Variants in LIPN observed in about 807,000 individuals in gnomAD.
LIPN encodes lipase family member N, also known as lipase member N.
Under a neutral mutation model 43.7 loss-of-function variants are expected in LIPN, and 32 were observed. The observed-to-expected ratio is 0.73, with a 90% CI of 0.55 to 0.98. The LOEUF (loss-of-function observed/expected upper bound fraction) is 0.98. Ranked by LOEUF, LIPN falls within the 50% of genes least tolerant of loss-of-function variation. The pLI is 0.00. For synonymous variants in LIPN, 156 were observed against 157.6 expected (o/e 0.99, Z 0.08); for missense variants, 505 against 483.8 (o/e 1.04, Z -0.41).
chr10:88,772,838 C>T (rs1445004771), intron 7 of LIPN, among the ~76,000 whole-genome samples: 1 of 140,124 alleles, frequency 7.1e-6, no homozygotes, highest in Non-Finnish European at 1.5e-5. Flanking sequence ...TTTCAATATG[C>T]CAAGAGCAAA....
At chr10:88,772,770 G>C (rs1320112054) in intron 7 of LIPN, among the ~76,000 whole-genome samples, 1 of 150,416 alleles carries the variant, frequency 6.6e-6, no homozygotes, top group Non-Finnish European at 1.5e-5. Context: ...TGCTAGAACT[G>C]ATAAACAAAT....
At chr10:88,760,421 C>T (rs927287968) in intron 1 of LIPN, among the ~76,000 whole-genome samples, 1 of 152,054 alleles carries the variant, frequency 6.6e-6, no homozygotes, top group Non-Finnish European at 1.5e-5. Context: ...TGAAAAGTTT[C>T]ATAATATTTG....
intron 3 of LIPN, among the ~76,000 whole-genome samples, chr10:88,763,135 G>A (rs566306635): frequency 4.3e-4 from 65 of 152,148 alleles, no homozygotes; most frequent in African/African-American, 1.2e-3. Context: ...AATGAAAAAT[G>A]AGAGTGAGAT....
chr10:88,777,763 T>G (rs886859646), intron 9 of LIPN, among the ~76,000 whole-genome samples: 20 of 152,234 alleles, frequency 1.3e-4, no homozygotes, highest in African/African-American at 4.6e-4. Context: ...GAAATAATTT[T>G]TTGCCTTTTT....
rs922054321 is a variant in LIPN, at chr10:88,778,840, A to G, written c.*598A>G. Reference sequence around the variant, plus strand: ...TGCGTAAACGGAATCTTGAACCCATAATAGGATACATGTATAAAATCTTCC... The same window carrying G: ...TGCGTAAACGGAATCTTGAACCCATGATAGGATACATGTATAAAATCTTCC... On this transcript the variant is annotated 3_prime_UTR_variant, in exon 10 of 10. Transcript: ENST00000404459. Among the ~76,000 whole-genome samples, 1 of 152,188 alleles carries G rather than the reference A, an allele frequency of 6.6e-6. No homozygotes were observed. Among genetic ancestry groups the G allele is most frequent in the African/African-American group, 2.4e-5 (1 of 41,460 alleles).
Position 88,766,282 on chromosome 10 carries a change from GC to G in LIPN, c.441del (p.Lys148AsnfsTer7). 1 of 1,593,662 alleles carries G rather than the reference GC, an allele frequency of 6.3e-7. No homozygotes were observed. On this transcript the variant is annotated frameshift_variant, in exon 5 of 10. Transcript: ENST00000404459. LOFTEE classifies it high-confidence loss of function. Reference sequence around the variant, plus strand: ...TTTATTTTGCAGTTTTGATGAAATGGCCAAATATGATCTCCCAGGAGTAATA... The same window carrying G: ...TTTATTTTGCAGTTTTGATGAAATGGCAAATATGATCTCCCAGGAGTAATA... ...KFWAFSFDEM[A>X]KYDLPGVIDF...
chr10:88,774,439 G>A (rs1478556004), intron 7 of LIPN, 34 bp from the exon 8 acceptor site: 5 of 1,501,480 alleles, frequency 3.3e-6, no homozygotes, highest in East Asian at 2.3e-5. Flanking sequence ...ATTTTGTTGG[G>A]CAATTGCTGT....
intron 3 of LIPN, 73 bp from the exon 4 acceptor site, chr10:88,764,337 A>C (rs1843052178): frequency 1.7e-6 from 2 of 1,181,084 alleles, no homozygotes; most frequent in Non-Finnish European, 2.4e-6. Context: ...TCTATTTAAC[A>C]TAAATTACTC....
Position 88,761,478 on chromosome 10 carries a change from G to GA in LIPN, c.77dup (p.Asn26LysfsTer2). 6.2e-7 allele frequency: 1 copy of GA among 1,612,118 alleles called. No homozygotes were observed. Among genetic ancestry groups the GA allele is most frequent in the Non-Finnish European group, 8.5e-7 (1 of 1,178,782 alleles). On this transcript the variant is annotated frameshift_variant, in exon 2 of 10. Coordinates refer to ENST00000404459, the MANE Select transcript of LIPN (RefSeq NM_001102469.2). LOFTEE classifies it high-confidence loss of function. ...AAATGCTGGTGGATTCCTTGATTTG[G>GA]AAAATGAAGTGAATCCTGAGGTGTG...
At chr10:88,760,915 C>T (rs777962223) in intron 1 of LIPN, among the ~76,000 whole-genome samples, 4 of 152,098 alleles carry the variant, frequency 2.6e-5, no homozygotes, top group African/African-American at 7.2e-5. Context: ...TTGGGTGCCA[C>T]GTGAGAAATA....
chr10:88,760,059 C>A lies in LIPN; in HGVS notation c.-56C>A, dbSNP rs951070044. 2.0e-5 allele frequency among the ~76,000 whole-genome samples: 3 copies of A among 152,042 alleles called. No homozygotes were observed. The highest frequency in any genetic ancestry group is 2.9e-5 in the Non-Finnish European group (2 of 67,982). ...TGTCAAAAGCAAAAGTTCAGAAGTT[C>A]CTCATCAATAAGGAGTCCTTGTGAG... On this transcript the variant is annotated 5_prime_UTR_variant, in exon 1 of 10. Transcript: ENST00000404459.
chr10:88,764,913 G>A (rs367856136), intron 4 of LIPN, among the ~76,000 whole-genome samples: 3 of 152,124 alleles, frequency 2.0e-5, no homozygotes, highest in African/African-American at 7.2e-5. Flanking sequence ...TTCAGCCAAT[G>A]TTTACTGAGT....
intron 5 of LIPN, 140 bp downstream of exon 5, chr10:88,766,518 C>G (rs908667767): frequency 3.0e-6 from 2 of 676,346 alleles, no homozygotes; most frequent in East Asian, 5.4e-5. Context: ...TGGGAATAAC[C>G]CTAGTACTCT....
intron 9 of LIPN, among the ~76,000 whole-genome samples, chr10:88,777,484 C>T (rs1340207522): frequency 2.0e-5 from 3 of 152,020 alleles, no homozygotes; most frequent in African/African-American, 7.2e-5. Flanking sequence ...AGACAGACCT[C>T]CGAGAAATGA....
intron 9 of LIPN, 105 bp from the exon 10 acceptor site, chr10:88,777,904 G>T: frequency 1.5e-6 from 1 of 647,750 alleles, no homozygotes; most frequent in Non-Finnish European, 2.7e-6. Flanking sequence ...TATGTTGCTG[G>T]TGCCTAACAG....
In LIPN at chr10:88,764,549, C is replaced by T; in HGVS notation, c.366C>T (p.Asn122=). 2 of 1,611,760 alleles carry T rather than the reference C, an allele frequency of 1.2e-6. No homozygotes were observed. Among genetic ancestry groups the T allele is most frequent in the Non-Finnish European group, 8.5e-7 (1 of 1,178,700 alleles). The change falls in exon 4 of 10, where the codon AAC becomes AAT. Residue 122 remains asparagine (N), a synonymous_variant. Transcript: ENST00000404459. ...TATGGATGGGAAACAGTCGGGGAAA[C>T]ACTTGGTCAAGAAGACACAAAACAC... The part of the protein sequence containing the change: ...YDVWMGNSRG[N]TWSRRHKTLS...
At chr10:88,757,275 T>C (rs538257394), upstream of LIPN, among the ~76,000 whole-genome samples, 2 of 152,214 alleles carry the variant, frequency 1.3e-5, no homozygotes, top group African/African-American at 2.4e-5. Context: ...GAAAATGATA[T>C]AATTTTCCTC....
chr10:88,761,520 C>A lies in LIPN; in HGVS notation c.108+7C>A. ...TGAGGTGTGGATGAATACTGTAAGTCATGGAAAACTGTGAAGAACATCAAA... is the reference window on the plus strand; with the variant it reads ...TGAGGTGTGGATGAATACTGTAAGTAATGGAAAACTGTGAAGAACATCAAA... On this transcript the variant is annotated splice_region_variant and intron_variant, in intron 2 of 9. Coordinates refer to ENST00000404459, the MANE Select transcript of LIPN (RefSeq NM_001102469.2). The A allele has an allele frequency of 6.3e-7, 1 of 1,576,460 alleles. No homozygotes were observed. The highest frequency in any genetic ancestry group is 8.7e-7 in the Non-Finnish European group (1 of 1,146,960).
At chr10:88,759,335 C>T (rs547853163), upstream of LIPN, among the ~76,000 whole-genome samples, 7 of 152,226 alleles carry the variant, frequency 4.6e-5, no homozygotes, top group East Asian at 1.9e-4. Context: ...GATTCAGTTA[C>T]GGCTTAAGCT....
Sources: gnomAD v4.1 joint callset for allele counts (sites outside exome capture counted in the v4.1 genomes callset) on GRCh38, gnomAD v4.1.1 for gene constraint, MANE v1.5 for transcripts, NCBI Gene and HGNC (gene_info 2026-07-23, HGNC 2026-07-21) for gene names.